Variants in SUCLA2 observed in about 807,000 individuals in gnomAD.
The protein encoded by SUCLA2 is succinate-CoA ligase ADP-forming subunit beta.
Under a neutral mutation model 54.8 loss-of-function variants are expected in SUCLA2, and 30 were observed. The ratio of observed to expected loss-of-function variants is 0.55; its 90% confidence interval spans 0.41 to 0.74. SUCLA2 has a LOEUF of 0.74. SUCLA2 is among the 30% of genes least tolerant of loss of function. The pLI, the probability that SUCLA2 is intolerant of heterozygous loss-of-function variation, is 0.00. For synonymous variants in SUCLA2, 172 were observed against 188.9 expected (o/e 0.91, Z 0.74); for missense variants, 476 against 562.9 (o/e 0.85, Z 1.56).
intron 10 of SUCLA2, among the ~76,000 whole-genome samples, chr13:47,948,390 T>C (rs575053314): frequency 9.2e-5 from 14 of 152,176 alleles, no homozygotes; most frequent in East Asian, 3.9e-4. Context: ...CATGTGTGTG[T>C]GCGCACATGT....
chr13:47,947,095 T>C (rs1314746005), intron 10 of SUCLA2, among the ~76,000 whole-genome samples: 3 of 152,086 alleles, frequency 2.0e-5, no homozygotes, highest in Non-Finnish European at 4.4e-5. Context: ...TCATACCAGA[T>C]AGAGGGCTTC....
intron 8 of SUCLA2, 143 bp downstream of exon 8, chr13:47,953,997 T>G: frequency 1.4e-6 from 1 of 727,038 alleles, no homozygotes. Flanking sequence ...ATCTTCAAGA[T>G]ATGATAGCAA....
At chr13:47,974,698 T>C (rs912865529) in intron 4 of SUCLA2, among the ~76,000 whole-genome samples, 1 of 152,202 alleles carries the variant, frequency 6.6e-6, no homozygotes, top group African/African-American at 2.4e-5. Context: ...CTAACAATTA[T>C]TAACATTTAA....
At chr13:47,979,640 A>G (rs1950045695) in intron 4 of SUCLA2, among the ~76,000 whole-genome samples, 1 of 152,204 alleles carries the variant, frequency 6.6e-6, no homozygotes, top group African/African-American at 2.4e-5. Context: ...TATAATAATA[A>G]TAAAAATAAA....
intron 4 of SUCLA2, among the ~76,000 whole-genome samples, chr13:47,978,179 T>G (rs1414065583): frequency 6.6e-6 from 1 of 152,160 alleles, no homozygotes; most frequent in South Asian, 2.1e-4. Context: ...AAATTTCATA[T>G]GGTACCAAAA....
chr13:47,997,362 C>T (rs1950199344), intron 1 of SUCLA2, among the ~76,000 whole-genome samples: 1 of 150,686 alleles, frequency 6.6e-6, no homozygotes, highest in African/African-American at 2.4e-5. Context: ...AAAAATCCTT[C>T]CCAATTTTCT....
chr13:47,945,096 A>G (rs561230116), intron 10 of SUCLA2, among the ~76,000 whole-genome samples: 4 of 151,814 alleles, frequency 2.6e-5, no homozygotes, highest in Non-Finnish European at 4.4e-5. Context: ...CTAAAAATAC[A>G]TAATTAGCCA....
chr13:47,984,580 G>T (rs1950086491), intron 4 of SUCLA2, among the ~76,000 whole-genome samples: 1 of 151,976 alleles, frequency 6.6e-6, no homozygotes, highest in South Asian at 2.1e-4. Flanking sequence ...AGGCTTAAAT[G>T]TAAAAGGCTT....
In SUCLA2 at chr13:47,974,253, A is replaced by G. The variant is rs1025892445; in HGVS notation, c.535-861T>C. Among the ~76,000 whole-genome samples, 11 of 152,154 alleles carry G rather than the reference A, an allele frequency of 7.2e-5. No homozygotes were observed. The East Asian group carries it at 2.1e-3, about 29-fold the overall frequency. The stretch of plus-strand genomic sequence containing the variant: ...ATATTTGAAAGAAAAAGCCTAAGAA[A>G]AGGGAAAGTCTAAGCTCTAGCCCTA... On this transcript the variant is annotated intron_variant, in intron 4 of 10. Transcript: ENST00000646932.
intron 4 of SUCLA2, among the ~76,000 whole-genome samples, chr13:47,981,076 A>C (rs1950057383): frequency 6.6e-6 from 1 of 152,156 alleles, no homozygotes. Flanking sequence ...GCACAGGCAG[A>C]AAAAAAGCAA....
chr13:47,959,397 T>A (rs957880321), intron 6 of SUCLA2, among the ~76,000 whole-genome samples: 4 of 146,790 alleles, frequency 2.7e-5, no homozygotes, highest in Middle Eastern at 3.5e-3. Flanking sequence ...TTTAAACAAA[T>A]AAGAAAGAAG....
chr13:47,973,758 A>G (rs1243037413), intron 4 of SUCLA2, among the ~76,000 whole-genome samples: 16 of 152,210 alleles, frequency 1.1e-4, no homozygotes, highest in Admixed American at 1.0e-3. Flanking sequence ...CTATGCAGCC[A>G]TAAAAAAAGA....
chr13:48,000,133 A>AAAAG (rs1950218634), intron 1 of SUCLA2, among the ~76,000 whole-genome samples: 1 of 148,720 alleles, frequency 6.7e-6, no homozygotes, highest in Non-Finnish European at 1.5e-5. Context: ...ACTTCAATAA[A>AAAAG]AATGAAAAAA....
intron 9 of SUCLA2, 36 bp from the exon 10 acceptor site, chr13:47,949,064 T>G: frequency 6.3e-7 from 1 of 1,589,094 alleles, no homozygotes; most frequent in Non-Finnish European, 8.6e-7. Flanking sequence ...ATGTTTTAAA[T>G]ACACACACAA....
At chr13:47,977,287 A>T (rs190319129) in intron 4 of SUCLA2, among the ~76,000 whole-genome samples, 2 of 152,326 alleles carry the variant, frequency 1.3e-5, no homozygotes, top group African/African-American at 4.8e-5. Context: ...CTGAATCAGT[A>T]ATCAAAAACT....
intron 4 of SUCLA2, among the ~76,000 whole-genome samples, chr13:47,979,012 A>T (rs909216355): frequency 2.0e-5 from 3 of 152,222 alleles, no homozygotes; most frequent in African/African-American, 7.2e-5. Flanking sequence ...AAGTCAGGAA[A>T]CAACAGATGC....
rs1320085434 is a variant in SUCLA2 at position 47,953,934 on chromosome 13, T to G, written c.1107+206A>C. On this transcript the variant is annotated intron_variant, in intron 8 of 10. Transcript: ENST00000646932. ...TTATGGCACATCTATAATGACAGAT[T>G]ACACAAACATTAAAATGAGTGTTTC... Among the ~76,000 whole-genome samples the G allele has an allele frequency of 2.6e-5, 4 of 152,240 alleles. No individual in the cohort carries two copies. In the East Asian group the frequency reaches 7.7e-4, roughly 29 times the overall value.
Position 47,954,220 on chromosome 13 carries a change from C to T in SUCLA2, c.1027G>A (p.Ala343Thr). 1 of 1,613,888 alleles carries T rather than the reference C, an allele frequency of 6.2e-7. No individual in the cohort carries two copies. The highest frequency in any genetic ancestry group is 8.5e-7 in the Non-Finnish European group (1 of 1,179,856). ...CCACCACCAACATCAAGGAAGTTGG[C>T]TGGAGTCCCTCCATGAAGTTTTATT... Reference protein sequence around the residue: ...DIIKLHGGTPANFLDVGGGAT... With the variant: ...DIIKLHGGTPTNFLDVGGGAT... Residue 343 changes from alanine (A) to threonine (T), a missense_variant, in exon 8 of 11, where the codon GCC (alanine) becomes ACC (threonine). Ala to Thr is a moderately conservative substitution (Grantham distance 58). This residue lies in a region of SUCLA2 where 342 missense variants were observed against 444.2 expected (regional missense o/e 0.77). Coordinates refer to ENST00000646932, the MANE Select transcript of SUCLA2 (RefSeq NM_003850.3).
chr13:47,964,180 T>C (rs1421782375), intron 6 of SUCLA2, among the ~76,000 whole-genome samples: 1 of 152,084 alleles, frequency 6.6e-6, no homozygotes, highest in East Asian at 1.9e-4. Context: ...TCAAAGGCAT[T>C]ATGTATAGTA....
Sources: allele counts gnomAD v4.1 joint callset (sites outside exome capture counted in the v4.1 genomes callset), GRCh38; gene constraint gnomAD v4.1.1; regional missense constraint gnomAD v4.1.1; transcripts MANE v1.5; gene names NCBI Gene and HGNC (gene_info 2026-07-23, HGNC 2026-07-21).